The following DPP6 variants were observed in gnomAD, a reference collection of about 807,000 sequenced individuals.
DPP6 encodes dipeptidyl peptidase like 6, also known as A-type potassium channel modulatory protein DPP6.
Under a neutral mutation model 122.6 loss-of-function variants are expected in DPP6, and 69 were observed. The ratio of observed to expected loss-of-function variants is 0.56; its 90% CI spans 0.46 to 0.69. The LOEUF (loss-of-function observed/expected upper bound fraction) is 0.69, where lower values mean the gene tolerates loss of function less well. Ranked by LOEUF, DPP6 falls within the 30% of genes least tolerant of loss-of-function variation. The pLI is 0.00. For missense variants in DPP6, 928 were observed against 1,116.9 expected, an observed-to-expected ratio of 0.83 and a Z score of 2.41; for synonymous variants, 418 against 433.1, an observed-to-expected ratio of 0.97 and a Z score of 0.43.
the DPP6 span, among the ~76,000 whole-genome samples, chr7:153,749,869 G>A: frequency 6.6e-6 from 1 of 152,036 alleles, no homozygotes; most frequent in African/African-American, 2.4e-5. The surrounding 1 kb of genome is among the most constrained non-coding windows in gnomAD (Gnocchi z 4.1). Flanking sequence ...TTTTTAAATC[G>A]AAAAAAGGCG....
At chr7:153,966,616 A>G (rs1795752670) in intron 1 of DPP6, among the ~76,000 whole-genome samples, 1 of 111,472 alleles carries the variant, frequency 9.0e-6, no homozygotes. Flanking sequence ...TTTTTAAAAA[A>G]TTATACTTTA....
chr7:154,562,161 C>T (rs1830464036), intron 4 of DPP6, among the ~76,000 whole-genome samples: 4 of 152,090 alleles, frequency 2.6e-5, no homozygotes, highest in Admixed American at 2.0e-4. Flanking sequence ...CCACAGATGA[C>T]ATTCCCTCAT....
chr7:154,201,169 C>T (rs1035182538), intron 1 of DPP6, among the ~76,000 whole-genome samples: 10 of 152,172 alleles, frequency 6.6e-5, no homozygotes, highest in African/African-American at 2.4e-4. Context: ...CTCCTGTCCC[C>T]CAGGCTGGAA....
intron 1 of DPP6, among the ~76,000 whole-genome samples, chr7:153,899,448 C>T (rs571307909): frequency 4.6e-5 from 7 of 152,258 alleles, no homozygotes; most frequent in East Asian, 1.9e-4. Flanking sequence ...TGGATCGTCT[C>T]GCTCATCCAC....
intron 1 of DPP6, among the ~76,000 whole-genome samples, chr7:154,372,722 A>G (rs1482552581): frequency 1.3e-5 from 2 of 152,244 alleles, no homozygotes; most frequent in Admixed American, 1.3e-4. Flanking sequence ...CAATTAAAAT[A>G]GGAAAGCAAC....
intron 3 of DPP6, among the ~76,000 whole-genome samples, chr7:154,527,693 T>C (rs191118175): frequency 5.6e-4 from 86 of 152,304 alleles, no homozygotes; most frequent in African/African-American, 1.9e-3. Context: ...GTGATATTTA[T>C]ACAATCAGGG....
intron 21 of DPP6, 40 bp from the exon 22 acceptor site, chr7:154,885,593 G>A: frequency 6.5e-6 from 10 of 1,549,686 alleles, no homozygotes; most frequent in Non-Finnish European, 8.7e-6. Flanking sequence ...CTGAGTTACT[G>A]CCAGGACTCC....
chr7:154,563,443 A>G (rs911777038), intron 4 of DPP6, among the ~76,000 whole-genome samples: 1 of 152,196 alleles, frequency 6.6e-6, no homozygotes, highest in Non-Finnish European at 1.5e-5. Flanking sequence ...TGATTTACAT[A>G]TTTGAGAGAT....
At chr7:154,014,529 C>T (rs1350672855) in intron 1 of DPP6, among the ~76,000 whole-genome samples, 15 of 151,798 alleles carry the variant, frequency 9.9e-5, no homozygotes, top group South Asian at 6.3e-4. Flanking sequence ...GTGGCACACG[C>T]GTGTAGTCCC....
rs1323595778 is a variant in DPP6 at position 154,052,644 on chromosome 7, C to A, written c.-177C>A. The A allele has an allele frequency of 1.1e-5, 14 of 1,261,642 alleles. No homozygotes were observed. The highest frequency in any genetic ancestry group is 3.2e-5 in the African/African-American group (2 of 62,168). The allele number at this position is 1,261,642 out of a possible 1,614,324, so 78.2% of individuals were successfully genotyped here. A position where few individuals can be genotyped will look rare whatever the true frequency, so the allele number is the denominator to read the frequency against. ...AGGCAGAGTCGCCAGCGGAGACTCG[C>A]GAGTGGCGCGCGGGAGGAGCGGCCG... is the stretch of plus-strand genomic sequence containing the variant. On this transcript the variant is annotated 5_prime_UTR_variant, in exon 1 of 26. Transcript: ENST00000377770. This position sits in a 1 kb window ranked among gnomAD's most constrained non-coding sequence, Gnocchi z 4.8.
intron 7 of DPP6, among the ~76,000 whole-genome samples, chr7:154,673,056 C>T (rs2131123563): frequency 6.6e-6 from 1 of 152,278 alleles, no homozygotes; most frequent in Admixed American, 6.5e-5. Flanking sequence ...CACCTCATCA[C>T]AGGTACTCCC....
intron 1 of DPP6, among the ~76,000 whole-genome samples, chr7:154,024,436 G>GTT (rs922510380): frequency 6.7e-6 from 1 of 149,830 alleles, no homozygotes; most frequent in Non-Finnish European, 1.5e-5. Context: ...TAGATGATCA[G>GTT]TTTTTTTTTT....
intron 7 of DPP6, among the ~76,000 whole-genome samples, chr7:154,720,047 G>A (rs1841715748): frequency 6.6e-6 from 1 of 152,180 alleles, no homozygotes; most frequent in Non-Finnish European, 1.5e-5. Flanking sequence ...GGTGAGGAGG[G>A]AGTACAGCAT....
At chr7:153,973,724 C>T (rs1472168443) in intron 1 of DPP6, among the ~76,000 whole-genome samples, 2 of 150,100 alleles carry the variant, frequency 1.3e-5, no homozygotes, top group African/African-American at 4.9e-5. Flanking sequence ...CCAGAGAGAG[C>T]GCTGTGGTCT....
chr7:154,510,694 C>CAAAAAAA (rs67365097), intron 3 of DPP6, among the ~76,000 whole-genome samples: 2 of 134,072 alleles, frequency 1.5e-5, no homozygotes, highest in Non-Finnish European at 3.2e-5. Flanking sequence ...CCAGGTGTCT[C>CAAAAAAA]AAAAAAAAAA....
intron 3 of DPP6, among the ~76,000 whole-genome samples, chr7:154,528,080 C>T (rs76587121): frequency 0.04 from 6,039 of 151,854 alleles, 149 homozygotes; most frequent in South Asian, 0.083. Flanking sequence ...CTTGAAGAAT[C>T]GCATAGGTAC....
chr7:154,325,551 G>T (rs1188548280), intron 1 of DPP6, among the ~76,000 whole-genome samples: 1 of 152,170 alleles, frequency 6.6e-6, no homozygotes, highest in African/African-American at 2.4e-5. Context: ...AAATTAGCAA[G>T]AGTCTAGCTG....
intron 1 of DPP6, among the ~76,000 whole-genome samples, chr7:154,237,589 C>T (rs1044849789): frequency 4.6e-5 from 7 of 152,280 alleles, no homozygotes; most frequent in African/African-American, 1.4e-4. Flanking sequence ...CCAGGCTTCC[C>T]CCTCCACTGT....
intron 3 of DPP6, among the ~76,000 whole-genome samples, chr7:154,509,912 G>C (rs1402879995): frequency 6.6e-6 from 1 of 152,084 alleles, no homozygotes; most frequent in African/African-American, 2.4e-5. Flanking sequence ...ATGGGATAGT[G>C]GTTGCTTAGA....
Sources: gnomAD v4.1 joint callset for allele counts (sites outside exome capture counted in the v4.1 genomes callset) on GRCh38, gnomAD v4.1.1 for gene constraint, Gnocchi (gnomAD v3.1) non-coding constraint, MANE v1.5 for transcripts, NCBI Gene and HGNC (gene_info 2026-07-23, HGNC 2026-07-21) for gene names.